Variants in ADGRG4 observed in about 807,000 individuals in gnomAD.
The protein encoded by ADGRG4 is G protein-coupled receptor 112.
Under a neutral mutation model 126.2 loss-of-function variants are expected in ADGRG4, and 122 were observed. The ratio of observed to expected loss-of-function variants is 0.97; its 90% CI spans 0.83 to 1.12. The LOEUF is 1.12. Among genes scored for constraint, ADGRG4 ranks in the 50% most tolerant of loss-of-function variants. ADGRG4 has a pLI of 0.00. For missense variants in ADGRG4, 2,481 were observed against 2,251.8 expected, an observed-to-expected ratio of 1.10 and a Z score of -2.06; for synonymous variants, 943 against 838.7, an observed-to-expected ratio of 1.12 and a Z score of -2.15.
intron 21 of ADGRG4, among the ~76,000 whole-genome samples, chrX:136,400,419 A>G (rs192966944): frequency 8.9e-6 from 1 of 112,395 alleles, no homozygotes. Flanking sequence ...ACAAATACTG[A>G]TAAAACAGCT....
chrX:136,376,602 ACCT>A (rs1366775123), intron 15 of ADGRG4, among the ~76,000 whole-genome samples: 1 of 106,348 alleles, frequency 9.4e-6, no homozygotes, highest in African/African-American at 3.5e-5. Context: ...GAGATCTTTC[ACCT>A]CCTTGATTAA....
chrX:136,392,775 T>C (rs993113579), intron 17 of ADGRG4, among the ~76,000 whole-genome samples: 1 of 112,248 alleles, frequency 8.9e-6, no homozygotes, highest in Non-Finnish European at 1.9e-5. Flanking sequence ...ATAAGCTATA[T>C]ATTACTAAAT....
At chrX:136,396,363 T>TTATATATATATATATATATATATA (rs2075346871) in intron 19 of ADGRG4, among the ~76,000 whole-genome samples, 1 of 97,738 alleles carries the variant, frequency 1.0e-5, no homozygotes, top group African/African-American at 4.2e-5. Context: ...TTTATTTATT[T>TTATATATATATATATATATATATA]TACATATATA....
At chrX:136,367,036 T>A (rs2075163069) in intron 13 of ADGRG4, among the ~76,000 whole-genome samples, 2 of 110,796 alleles carry the variant, frequency 1.8e-5, no homozygotes, top group African/African-American at 6.6e-5. Context: ...CCATGTGAGG[T>A]TATAGTGAAA....
intron 23 of ADGRG4, among the ~76,000 whole-genome samples, chrX:136,410,163 C>T (rs1201021514): frequency 8.9e-6 from 1 of 112,504 alleles, no homozygotes; most frequent in Non-Finnish European, 1.9e-5. Flanking sequence ...CAGATACAAG[C>T]CTAGTTTGTC....
rs1275749556 is a variant in ADGRG4, at chrX:136,347,690, G to A, written c.3984G>A (p.Leu1328=). 8.3e-7 allele frequency: 1 copy of A among 1,209,538 alleles called. No individual in the cohort carries two copies. The highest frequency in any genetic ancestry group is 2.3e-4 in the Middle Eastern group (1 of 4,344). The change falls in exon 6 of 26, where the codon TTG becomes TTA. Residue 1328 remains leucine, a synonymous_variant. Coordinates refer to ENST00000394143, the MANE Select transcript of ADGRG4 (RefSeq NM_153834.4). ...TTGGGACTCCCTCTGATGGAAATTT[G>A]GCTTCATCTCCCACTTCTGGAAGCA... ...IPLGTPSDGN[L]ASSPTSGSTQ... is the part of the protein sequence containing the mutation.
intron 19 of ADGRG4, 43 bp downstream of exon 19, chrX:136,395,536 T>G: frequency 1.3e-6 from 1 of 757,763 alleles, no homozygotes; most frequent in African/African-American, 2.0e-5. Context: ...GTTTGACAAT[T>G]TTTATTAGAC....
At chrX:136,359,555 G>C (rs144794637) in intron 11 of ADGRG4, 100 bp downstream of exon 11, 317 of 656,038 alleles carry the variant, frequency 4.8e-4, no homozygotes, top group Middle Eastern at 1.5e-3. Context: ...TCAGAAAGGA[G>C]AGAAGTCATC....
At chrX:136,384,542 A>G (rs1309479765) in intron 15 of ADGRG4, among the ~76,000 whole-genome samples, 1 of 111,923 alleles carries the variant, frequency 8.9e-6, no homozygotes, top group African/African-American at 3.2e-5. Context: ...TCAGAGTTCT[A>G]TTTGGTATCA....
intron 4 of ADGRG4, among the ~76,000 whole-genome samples, chrX:136,313,872 T>C (rs2074789312): frequency 9.0e-6 from 1 of 111,044 alleles, no homozygotes; most frequent in African/African-American, 3.3e-5. Context: ...CATCACAACA[T>C]AGAGATCTTA....
rs746703139 is a variant in ADGRG4, at chrX:136,325,128, A to G, written c.685+1736A>G. On this transcript the variant is annotated intron_variant, in intron 5 of 25. Transcript: ENST00000394143. Reference sequence around the variant, plus strand: ...TAGCATCAAGACAAGATTTTTTTGCATTTCCCAAAACTTTCACTTATTCTT... The same window carrying G: ...TAGCATCAAGACAAGATTTTTTTGCGTTTCCCAAAACTTTCACTTATTCTT... Among the ~76,000 whole-genome samples, 13 of 111,888 alleles carry G rather than the reference A, an allele frequency of 1.2e-4. No individual in the cohort carries two copies. The South Asian group carries it at 4.9e-3, about 42-fold the overall frequency.
chrX:136,404,411 G>A (rs1407249040), intron 22 of ADGRG4, among the ~76,000 whole-genome samples: 2 of 111,751 alleles, frequency 1.8e-5, no homozygotes, highest in Admixed American at 9.5e-5. Context: ...GACTTGGTTA[G>A]TAAGAGGCCG....
intron 14 of ADGRG4, among the ~76,000 whole-genome samples, chrX:136,372,615 G>A (rs1047234984): frequency 1.8e-5 from 2 of 111,902 alleles, no homozygotes; most frequent in African/African-American, 6.5e-5. Flanking sequence ...TAATTTTCAC[G>A]ACAATCTTTA....
chrX:136,334,867 A>G (rs1017631764), intron 5 of ADGRG4, among the ~76,000 whole-genome samples: 86 of 111,647 alleles, frequency 7.7e-4, no homozygotes, highest in African/African-American at 2.7e-3. Context: ...ATAATCTGCA[A>G]TGCCTTAAAA....
intron 19 of ADGRG4, among the ~76,000 whole-genome samples, chrX:136,396,760 C>T (rs1465010095): frequency 9.3e-6 from 1 of 107,586 alleles, no homozygotes; most frequent in Non-Finnish European, 1.9e-5. Context: ...TCAATCTTGG[C>T]ACTATAGATA....
At chrX:136,332,502 G>A (rs1249097321) in intron 5 of ADGRG4, among the ~76,000 whole-genome samples, 1 of 106,020 alleles carries the variant, frequency 9.4e-6, no homozygotes, top group South Asian at 4.4e-4. Context: ...ATGATTTATA[G>A]TCCTTTGGGT....
intron 25 of ADGRG4, among the ~76,000 whole-genome samples, chrX:136,415,370 G>A (rs2075470263): frequency 9.0e-6 from 1 of 111,524 alleles, no homozygotes; most frequent in African/African-American, 3.3e-5. Context: ...CTGTGACCTT[G>A]AGCACATCAC....
chrX:136,363,364 C>T (rs765800180), intron 12 of ADGRG4, 113 bp from the exon 13 acceptor site: 33 of 558,469 alleles, frequency 5.9e-5, no homozygotes, highest in South Asian at 1.9e-4. Context: ...CTTTCTATGC[C>T]AGGAGGCTTG....
chrX:136,330,287 A>G (rs960945362), intron 5 of ADGRG4, among the ~76,000 whole-genome samples: 1 of 110,174 alleles, frequency 9.1e-6, no homozygotes, highest in African/African-American at 3.3e-5. Flanking sequence ...TTCATACCTA[A>G]CCCCTGACAA....
Sources: gnomAD v4.1 joint callset for allele counts (sites outside exome capture counted in the v4.1 genomes callset) on GRCh38, gnomAD v4.1.1 for gene constraint, MANE v1.5 for transcripts, NCBI Gene and HGNC (gene_info 2026-07-23, HGNC 2026-07-21) for gene names.